Variants in NUP153 observed in about 807,000 individuals in gnomAD.
NUP153 encodes the protein nuclear pore complex protein Nup153.
A neutral mutation model predicts 134.6 loss-of-function variants in NUP153; 27 were observed. The ratio of observed to expected loss-of-function variants is 0.20; its 90% confidence interval spans 0.15 to 0.28. The LOEUF (loss-of-function observed/expected upper bound fraction) is 0.28. Among genes scored for constraint, NUP153 ranks in the 10% least tolerant of loss-of-function variants. The pLI is 1.00. For missense variants in NUP153, 1,821 were observed against 1,731.3 expected (o/e 1.05, Z -0.92); for synonymous variants, 640 against 623.5 (o/e 1.03, Z -0.40).
Position 17,674,990 on chromosome 6 carries a change from T to C in NUP153, c.767A>G (p.Asp256Gly), listed in dbSNP as rs758082785. 14 of 1,613,346 alleles carry C rather than the reference T, an allele frequency of 8.7e-6. No individual in the cohort carries two copies. In the South Asian group the frequency reaches 1.5e-4, roughly 18 times the overall value. Residue 256 changes from aspartate to glycine, a missense_variant, in exon 5 of 22, where the codon GAT becomes GGT. Physicochemically the swap from Asp to Gly is moderately conservative, Grantham distance 94. Coordinates refer to ENST00000262077, the MANE Select transcript of NUP153 (RefSeq NM_005124.4). ...SSILKTSQLG[D>G]SPFYPGKTTY... ...TGTTTTTCCAGGATAAAAAGGAGAA[T>C]CTCCAAGCTGACTGGTTTTAAGGAT...
intron 20 of NUP153, among the ~76,000 whole-genome samples, chr6:17,623,129 C>CAAAAA (rs71002235): frequency 2.7e-5 from 2 of 72,998 alleles, no homozygotes; most frequent in African/African-American, 1.1e-4. Flanking sequence ...GATTCTGTCT[C>CAAAAA]AAAAAAAAAA....
chr6:17,678,921 G>A (rs1409154096), intron 2 of NUP153, among the ~76,000 whole-genome samples: 2 of 147,750 alleles, frequency 1.4e-5, no homozygotes, highest in Non-Finnish European at 3.0e-5. Context: ...ACTCCAGCCT[G>A]ACCAACAAAG....
Position 17,625,544 on chromosome 6 carries a change from A to G in NUP153, c.3901+264T>C, listed in dbSNP as rs1764888935. Among the ~76,000 whole-genome samples, 1 of 152,158 alleles carries G rather than the reference A, an allele frequency of 6.6e-6. No individual in the cohort carries two copies. The highest frequency in any genetic ancestry group is 2.1e-4 in the South Asian group (1 of 4,836). ...GACTCCGTCTCGAAAGAAAACAAAA[A>G]CAAAAAACAAAGCTTAGAAAAATTA... is the stretch of plus-strand genomic sequence containing the variant. On this transcript the variant is annotated intron_variant, in intron 19 of 21. Coordinates refer to ENST00000262077, the MANE Select transcript of NUP153 (RefSeq NM_005124.4). This position sits in a 1 kb window ranked among gnomAD's most constrained non-coding sequence, Gnocchi z 4.7.
At chr6:17,616,303 T>C (rs989693609) in intron 21 of NUP153, 122 bp from the exon 22 acceptor site, 19 of 623,722 alleles carry the variant, frequency 3.0e-5, no homozygotes, top group Middle Eastern at 2.7e-4. Flanking sequence ...TAGACTCACA[T>C]TGGTATATAC....
rs1765099347 is a variant in NUP153 at position 17,629,143 on chromosome 6, G to A, written c.3056C>T (p.Ser1019Phe). Residue 1019 changes from serine (S) to phenylalanine (F), a missense_variant, in exon 18 of 22, where the codon TCT becomes TTT. By Grantham distance (155) the Ser-to-Phe change is radical (BLOSUM62 -2). Transcript: ENST00000262077. ...EKKEELPKSS[S>F]AGFSFGTGVI... is the part of the protein sequence containing the mutation. ...ACCTGTACCAAAGCTAAAACCTGCA[G>A]AGGAAGATTTGGGCAGTTCCTCTTT... is the stretch of plus-strand genomic sequence containing the variant. The A allele has an allele frequency of 6.2e-7, 1 of 1,613,664 alleles. No individual in the cohort carries two copies. The highest frequency in any genetic ancestry group is 8.5e-7 in the Non-Finnish European group (1 of 1,179,912).
At chr6:17,632,990 T>G in intron 16 of NUP153, 146 bp from the exon 17 acceptor site, 1 of 589,246 alleles carries the variant, frequency 1.7e-6, no homozygotes, top group Non-Finnish European at 2.8e-6. Context: ...GTGCCAGAAA[T>G]AGACAACTGT....
intron 2 of NUP153, among the ~76,000 whole-genome samples, chr6:17,681,446 G>A (rs1768575755): frequency 6.6e-6 from 1 of 152,090 alleles, no homozygotes; most frequent in Non-Finnish European, 1.5e-5. Flanking sequence ...TTAGCCGGGT[G>A]TGGTGGCGGG....
intron 9 of NUP153, among the ~76,000 whole-genome samples, chr6:17,664,943 C>T (rs938783287): frequency 2.0e-5 from 3 of 150,798 alleles, no homozygotes; most frequent in African/African-American, 4.9e-5. Flanking sequence ...GTCCCAGCTA[C>T]TCGGGGGGCT....
intron 5 of NUP153, among the ~76,000 whole-genome samples, chr6:17,672,663 C>A (rs541860572): frequency 1.3e-5 from 2 of 152,128 alleles, no homozygotes; most frequent in East Asian, 3.9e-4. Context: ...AACAATTGCA[C>A]ACCCATATGT....
Position 17,626,064 on chromosome 6 carries a change from G to A in NUP153, c.3645C>T (p.Ser1215=), listed in dbSNP as rs748019112. Reference sequence around the variant, plus strand: ...CCACAGGTGGATTGGAGGAAGAGGTGGAACTACCAAATATGCCACCACCAG... The same window carrying A: ...CCACAGGTGGATTGGAGGAAGAGGTAGAACTACCAAATATGCCACCACCAG... The part of the protein sequence containing the change: ...TSAGGGIFGS[S]TSSSNPPVAT... The change falls in exon 19 of 22, where the codon TCC becomes TCT. Residue 1215 remains serine (S), a synonymous_variant. Transcript: ENST00000262077. 1.2e-6 allele frequency: 2 copies of A among 1,614,092 alleles called. No individual in the cohort carries two copies. The highest frequency in any genetic ancestry group is 1.7e-5 in the Admixed American group (1 of 60,020).
intron 2 of NUP153, among the ~76,000 whole-genome samples, chr6:17,679,360 C>T (rs918287275): frequency 6.6e-6 from 1 of 151,968 alleles, no homozygotes; most frequent in African/African-American, 2.4e-5. Flanking sequence ...CAAAACAGTA[C>T]CGAAAGAAAG....
intron 5 of NUP153, among the ~76,000 whole-genome samples, chr6:17,670,095 C>CACA (rs1491509864): frequency 1.5e-5 from 1 of 65,156 alleles, no homozygotes; most frequent in East Asian, 4.7e-4. Context: ...GACTCTTTCT[C>CACA]AAAAAAAAAA....
At chr6:17,624,901 G>A in intron 19 of NUP153, 68 bp from the exon 20 acceptor site, 28 of 1,421,218 alleles carry the variant, frequency 2.0e-5, no homozygotes, top group Non-Finnish European at 2.6e-5. Context: ...AGAAATTTCT[G>A]TAAACCCACA....
At position 17,638,215 on chromosome 6, in the gene NUP153, T is replaced by TA. The variant is rs1477210112; in HGVS notation, c.1847-446dup. ...CTTTGAATTTTGTCCAGTCATAACC[T>TA]ACTGCTGTGGTATTCTCTACCTTCA... On this transcript the variant is annotated intron_variant, in intron 15 of 21. Coordinates refer to ENST00000262077, the MANE Select transcript of NUP153 (RefSeq NM_005124.4). This position sits in a 1 kb window ranked among gnomAD's most constrained non-coding sequence, Gnocchi z 4.0. Among the ~76,000 whole-genome samples the TA allele has an allele frequency of 3.9e-5, 6 of 152,182 alleles. No individual in the cohort carries two copies. The South Asian group carries it at 6.2e-4, about 16-fold the overall frequency.
Position 17,706,291 on chromosome 6 carries a change from G to T in NUP153, c.97C>A (p.Arg33=), listed in dbSNP as rs758012656. The T allele has an allele frequency of 5.0e-6, 8 of 1,613,002 alleles. No homozygotes were observed. In the Admixed American group the frequency reaches 1.3e-4, roughly 27 times the overall value. The part of the protein sequence containing the change: ...QGPIKPYQQG[R]QQHQGILSRV... The stretch of plus-strand genomic sequence containing the variant: ...GGGTCCCATACCTGATGCTGTTGTC[G>T]CCCCTGCTGGTAAGGCTTAATTGGC... Residue 33 remains arginine, a synonymous_variant, in exon 1 of 22, where the codon CGA becomes AGA. Transcript: ENST00000262077. This position sits in a 1 kb window ranked among gnomAD's most constrained non-coding sequence, Gnocchi z 5.9.
chr6:17,676,144 G>C (rs796246084), intron 2 of NUP153, among the ~76,000 whole-genome samples: 24 of 152,182 alleles, frequency 1.6e-4, no homozygotes, highest in African/African-American at 5.8e-4. Context: ...AGTTTTACCC[G>C]TATTTTGATA....
intron 11 of NUP153, among the ~76,000 whole-genome samples, chr6:17,652,688 T>C (rs1359665204): frequency 6.6e-6 from 1 of 152,142 alleles, no homozygotes; most frequent in Non-Finnish European, 1.5e-5. Flanking sequence ...TCTGACAAAG[T>C]ACCTAGGTCC....
intron 9 of NUP153, among the ~76,000 whole-genome samples, chr6:17,663,430 A>AT (rs1312632561): frequency 6.6e-6 from 1 of 151,946 alleles, no homozygotes; most frequent in East Asian, 1.9e-4. Context: ...CATCTGGCTA[A>AT]TTTTTTTATT....
At chr6:17,701,833 G>C (rs563649052) in intron 1 of NUP153, among the ~76,000 whole-genome samples, 10 of 49,020 alleles carry the variant, frequency 2.0e-4, no homozygotes, top group African/African-American at 5.6e-4. Context: ...ACTCTGTCTC[G>C]GGGGGGGGGG....
Sources: gnomAD v4.1 joint callset for allele counts (sites outside exome capture counted in the v4.1 genomes callset) on GRCh38, gnomAD v4.1.1 for gene constraint, Gnocchi (gnomAD v3.1) non-coding constraint, MANE v1.5 for transcripts, NCBI Gene and HGNC (gene_info 2026-07-23, HGNC 2026-07-21) for gene names.